ASIC2: variants seen among roughly 807,000 people sequenced by gnomAD.
ASIC2 encodes acid-sensing ion channel 2.
ASIC2 carries 25 observed loss-of-function variants against 57.3 expected under a neutral mutation model. That is an observed-to-expected ratio of 0.44 (90% CI 0.32 to 0.61). The LOEUF (loss-of-function observed/expected upper bound fraction) is 0.61, where lower values mean the gene tolerates loss of function less well. ASIC2 is among the 20% of genes least tolerant of loss of function. The pLI is 0.06. For missense variants in ASIC2, 641 were observed against 738.1 expected (o/e 0.87, Z 1.52); for synonymous variants, 319 against 307.5 (o/e 1.04, Z -0.39).
At chr17:33,189,571 G>A (rs189884681) in intron 1 of ASIC2, among the ~76,000 whole-genome samples, 1 of 152,248 alleles carries the variant, frequency 6.6e-6, no homozygotes, top group East Asian at 1.9e-4. Flanking sequence ...GGCAAGATCT[G>A]ACTTTAGGCA....
chr17:33,658,159 C>T (rs1454275874), intron 1 of ASIC2, among the ~76,000 whole-genome samples: 1 of 152,184 alleles, frequency 6.6e-6, no homozygotes, highest in Non-Finnish European at 1.5e-5. Context: ...ATTTGCTACT[C>T]CTTAGAAGTG....
intron 1 of ASIC2, among the ~76,000 whole-genome samples, chr17:33,639,203 A>G (rs1336900870): frequency 6.6e-6 from 1 of 152,018 alleles, no homozygotes; most frequent in Non-Finnish European, 1.5e-5. Flanking sequence ...TCTGCTTAAG[A>G]GACACAGAAT....
At chr17:33,266,768 T>C (rs192184937) in intron 1 of ASIC2, among the ~76,000 whole-genome samples, 2 of 152,272 alleles carry the variant, frequency 1.3e-5, no homozygotes, top group Admixed American at 6.5e-5. Flanking sequence ...GACATTATAA[T>C]GGACTACAAC....
rs537147058 is a variant in ASIC2 at position 34,107,249 on chromosome 17, C to G, written c.555+48729G>C. On this transcript the variant is annotated intron_variant, in intron 1 of 9. Coordinates refer to the ASIC2 transcript ENST00000359872. ...TGGCACAGTGGCTCACAGCTGTAAT[C>G]CCAGCACTTTGGGAGGCCAAGGCAG... 3.3e-5 allele frequency among the ~76,000 whole-genome samples: 5 copies of G among 152,262 alleles called. No individual in the cohort carries two copies. The South Asian group carries it at 1.0e-3, about 32-fold the overall frequency.
chr17:33,207,367 GATA>G (rs1191439299), intron 1 of ASIC2, among the ~76,000 whole-genome samples: 1 of 152,244 alleles, frequency 6.6e-6, no homozygotes, highest in Non-Finnish European at 1.5e-5. Flanking sequence ...GCTGAATGAT[GATA>G]ATAACATCTA....
chr17:33,579,877 TATTGGTCCATTTTACAGAGAGCTG>T (rs1458520518), intron 1 of ASIC2, among the ~76,000 whole-genome samples: 5,928 of 152,132 alleles, frequency 0.039, 150 homozygotes, highest in Non-Finnish European at 0.06. Flanking sequence ...ACATCCTGCT[TATTGGTCCATTTTACAGAGAGCTG>T]ATTGGTCCAT....
intron 1 of ASIC2, among the ~76,000 whole-genome samples, chr17:33,674,772 G>A (rs373217231): frequency 4.6e-5 from 7 of 152,160 alleles, no homozygotes; most frequent in Admixed American, 1.3e-4. Context: ...TGAAAAAGAA[G>A]CAATGTTGCT....
At chr17:33,410,012 T>A (rs964482019) in intron 1 of ASIC2, among the ~76,000 whole-genome samples, 3 of 152,174 alleles carry the variant, frequency 2.0e-5, no homozygotes, top group Non-Finnish European at 4.4e-5. Context: ...TTCCATTCAG[T>A]TACAGTGGCT....
At chr17:34,053,973 T>C (rs1278664538) in intron 1 of ASIC2, among the ~76,000 whole-genome samples, 1 of 152,196 alleles carries the variant, frequency 6.6e-6, no homozygotes, top group East Asian at 1.9e-4. Flanking sequence ...GTCTTTGTTT[T>C]CCCCAGCATA....
chr17:33,189,225 AC>A (rs1034770044), intron 1 of ASIC2, among the ~76,000 whole-genome samples: 3 of 151,572 alleles, frequency 2.0e-5, no homozygotes, highest in Non-Finnish European at 4.4e-5. Flanking sequence ...AGAACCCCCC[AC>A]CCCCTAACAA....
At chr17:33,031,734 C>A (rs577156244) in intron 3 of ASIC2, among the ~76,000 whole-genome samples, 1 of 152,220 alleles carries the variant, frequency 6.6e-6, no homozygotes, top group East Asian at 1.9e-4. Flanking sequence ...TTGTCTGTTT[C>A]TCCCTTTAGT....
Position 33,833,454 on chromosome 17 carries a change from T to G in ASIC2, c.555+322524A>C, listed in dbSNP as rs771024162. Among the ~76,000 whole-genome samples, 7 of 152,232 alleles carry G rather than the reference T, an allele frequency of 4.6e-5. No homozygotes were observed. In the East Asian group the frequency reaches 1.4e-3, roughly 29 times the overall value. On this transcript the variant is annotated intron_variant, in intron 1 of 9. Transcript: ENST00000359872. ...CATTCCTTTGTAATCGGGGAGCAGA[T>G]AGTATACGCTGTTTTAATGAGACCT... is the stretch of plus-strand genomic sequence containing the variant.
chr17:33,209,960 G>A (rs1907210581), intron 1 of ASIC2, among the ~76,000 whole-genome samples: 1 of 152,170 alleles, frequency 6.6e-6, no homozygotes, highest in Non-Finnish European at 1.5e-5. Context: ...GACTTGGTCT[G>A]TTTTGGTCTT....
chr17:34,143,518 T>G (rs1912328430), intron 1 of ASIC2, among the ~76,000 whole-genome samples: 1 of 152,222 alleles, frequency 6.6e-6, no homozygotes, highest in Admixed American at 6.5e-5. Flanking sequence ...GGTTGCCTAT[T>G]GTGTTTTGCC....
chr17:33,841,992 G>A (rs1363008375), intron 1 of ASIC2, among the ~76,000 whole-genome samples: 6 of 152,148 alleles, frequency 3.9e-5, no homozygotes, highest in African/African-American at 9.7e-5. Context: ...GTACGGTCCA[G>A]TGGCGGAGGG....
chr17:33,962,596 A>T (rs899801127), intron 1 of ASIC2, among the ~76,000 whole-genome samples: 4 of 152,124 alleles, frequency 2.6e-5, no homozygotes, highest in Non-Finnish European at 5.9e-5. Context: ...TGAAGTGCTC[A>T]TGTTCGCTTG....
chr17:33,702,222 T>C (rs966515391), intron 1 of ASIC2, among the ~76,000 whole-genome samples: 1 of 152,236 alleles, frequency 6.6e-6, no homozygotes, highest in African/African-American at 2.4e-5. Flanking sequence ...CTCCCAATTG[T>C]TGTAAGGATC....
chr17:33,552,429 A>G (rs964541600), intron 1 of ASIC2, among the ~76,000 whole-genome samples: 1 of 152,178 alleles, frequency 6.6e-6, no homozygotes, highest in Non-Finnish European at 1.5e-5. Context: ...TGCTTTTTGC[A>G]CTGATTTTTC....
intron 1 of ASIC2, among the ~76,000 whole-genome samples, chr17:34,077,804 C>T (rs953433891): frequency 6.6e-6 from 1 of 152,116 alleles, no homozygotes; most frequent in South Asian, 2.1e-4. Context: ...AGAGTGCGTC[C>T]CAGCCTCTCT....
Sources: gnomAD v4.1 joint callset for allele counts (sites outside exome capture counted in the v4.1 genomes callset) on GRCh38, gnomAD v4.1.1 for gene constraint, MANE v1.5 for transcripts, NCBI Gene and HGNC (gene_info 2026-07-23, HGNC 2026-07-21) for gene names.